KCNT2: variants seen among roughly 807,000 people sequenced by gnomAD.
The protein encoded by KCNT2 is potassium sodium-activated channel subfamily T member 2, also known as potassium channel subfamily T member 2.
A neutral mutation model predicts 153.8 loss-of-function variants in KCNT2; 67 were observed. The ratio of observed to expected loss-of-function variants is 0.44; its 90% CI spans 0.36 to 0.53. The LOEUF (loss-of-function observed/expected upper bound fraction) is 0.53, where lower values mean the gene tolerates loss of function less well. Ranked by LOEUF, KCNT2 falls within the 20% of genes least tolerant of loss-of-function variation. The pLI is 0.00. For synonymous variants in KCNT2, 500 were observed against 458.8 expected (o/e 1.09, Z -1.15); for missense variants, 975 against 1,354.8 (o/e 0.72, Z 4.40).
chr1:196,584,645 C>T (rs1407154190), intron 1 of KCNT2, among the ~76,000 whole-genome samples: 2 of 152,064 alleles, frequency 1.3e-5, no homozygotes, highest in Non-Finnish European at 2.9e-5. Context: ...TATTGTCAAA[C>T]ATTGTAGTAA....
intron 14 of KCNT2, among the ~76,000 whole-genome samples, chr1:196,361,407 G>A (rs986383010): frequency 1.3e-5 from 2 of 152,078 alleles, no homozygotes; most frequent in Admixed American, 6.6e-5. Context: ...TGACTGAGAA[G>A]CAGTTGGATC....
chr1:196,467,967 C>T (rs1677761331), intron 6 of KCNT2, among the ~76,000 whole-genome samples, 181 bp from the exon 7 acceptor site: 2 of 152,004 alleles, frequency 1.3e-5, no homozygotes, highest in South Asian at 4.1e-4. Context: ...CATTCATTGT[C>T]TAAATCTTTC....
At chr1:196,247,225 A>G (rs1655534529) in intron 26 of KCNT2, among the ~76,000 whole-genome samples, 1 of 152,174 alleles carries the variant, frequency 6.6e-6, no homozygotes, top group African/African-American at 2.4e-5. Context: ...AATTTAGAAA[A>G]AGGATGTAAC....
chr1:196,482,989 C>T (rs1452438879), intron 3 of KCNT2, among the ~76,000 whole-genome samples: 2 of 152,096 alleles, frequency 1.3e-5, no homozygotes, highest in Non-Finnish European at 2.9e-5. Context: ...TATTATCCCT[C>T]TAATTCTAAT....
chr1:196,281,152 G>A (rs1027309398), intron 24 of KCNT2, among the ~76,000 whole-genome samples, 164 bp from the exon 25 acceptor site: 3 of 152,082 alleles, frequency 2.0e-5, no homozygotes, highest in Non-Finnish European at 4.4e-5. Context: ...AGACTCAACC[G>A]ACATCCCTGG....
intron 1 of KCNT2, among the ~76,000 whole-genome samples, chr1:196,550,707 T>C (rs1486250104): frequency 6.6e-6 from 1 of 151,768 alleles, no homozygotes; most frequent in Non-Finnish European, 1.5e-5. Flanking sequence ...CATGCTCTGT[T>C]TCTTACTTCT....
In KCNT2 at chr1:196,315,978, C is replaced by T. The variant is rs1173994206; in HGVS notation, c.2397G>A (p.Val799=). ...TCATGGTGCTCTCTTTATCCACAAC[C>T]ACCATATTAGCAGCAAAAGTCACTC... ...RCGVTFAANM[V]VVDKESTMSA... The change falls in exon 21 of 28, where the codon GTG becomes GTA. Residue 799 remains valine, a synonymous_variant. Transcript: ENST00000294725. 3.1e-6 allele frequency: 5 copies of T among 1,610,670 alleles called. No homozygotes were observed. Among genetic ancestry groups the T allele is most frequent in the Non-Finnish European group, 4.2e-6 (5 of 1,177,906 alleles).
chr1:196,310,448 C>G (rs984667835), intron 21 of KCNT2, among the ~76,000 whole-genome samples: 1 of 151,678 alleles, frequency 6.6e-6, no homozygotes, highest in Non-Finnish European at 1.5e-5. Flanking sequence ...CCTCTGTATT[C>G]AAAAATCTTA....
At chr1:196,467,679 T>A in intron 7 of KCNT2, 24 bp downstream of exon 7, 2 of 1,417,860 alleles carry the variant, frequency 1.4e-6, no homozygotes, top group East Asian at 2.3e-5. Context: ...TATTTTCATA[T>A]TTGCACTTTA....
chr1:196,377,976 T>G (rs758111561), intron 13 of KCNT2, among the ~76,000 whole-genome samples: 6 of 152,042 alleles, frequency 3.9e-5, no homozygotes, highest in Admixed American at 2.0e-4. Context: ...CAAAATCCAG[T>G]AAGTCAGGTT....
intron 27 of KCNT2, among the ~76,000 whole-genome samples, chr1:196,234,682 T>A (rs1308543325): frequency 6.6e-6 from 1 of 151,428 alleles, no homozygotes; most frequent in Non-Finnish European, 1.5e-5. Context: ...AAAAGAGTCT[T>A]CTAAAATTTT....
chr1:196,452,304 AC>A (rs1676284525), intron 8 of KCNT2, among the ~76,000 whole-genome samples: 1 of 151,914 alleles, frequency 6.6e-6, no homozygotes, highest in Non-Finnish European at 1.5e-5. Context: ...AGAACTAATA[AC>A]CCACCTTTAT....
intron 1 of KCNT2, among the ~76,000 whole-genome samples, chr1:196,504,270 T>C (rs9728591): frequency 0.048 from 6,455 of 134,248 alleles, 509 homozygotes; most frequent in African/African-American, 0.16. Flanking sequence ...GAGTGTGATG[T>C]TCCCCTTCCT....
intron 13 of KCNT2, among the ~76,000 whole-genome samples, chr1:196,379,748 G>A (rs988246691): frequency 6.6e-6 from 1 of 152,118 alleles, no homozygotes; most frequent in Non-Finnish European, 1.5e-5. Context: ...ATAAGCACAT[G>A]AGATCAAGTG....
intron 13 of KCNT2, among the ~76,000 whole-genome samples, chr1:196,396,723 T>C (rs1285231066): frequency 6.6e-6 from 1 of 151,604 alleles, no homozygotes; most frequent in East Asian, 1.9e-4. Context: ...AAATGAGAAA[T>C]ATTGAGATAA....
intron 19 of KCNT2, 38 bp downstream of exon 19, chr1:196,326,679 A>G (rs1401776622): frequency 8.0e-7 from 1 of 1,247,274 alleles, no homozygotes; most frequent in Non-Finnish European, 1.1e-6. Context: ...ACTATTAAAA[A>G]CAGTTTATCT....
chr1:196,558,987 T>G lies in KCNT2; in HGVS notation c.95+49228A>C, dbSNP rs1659044519. 2.0e-5 allele frequency among the ~76,000 whole-genome samples: 3 copies of G among 151,300 alleles called. No individual in the cohort carries two copies. In the South Asian group the frequency reaches 6.2e-4, roughly 31 times the overall value. On this transcript the variant is annotated intron_variant, in intron 1 of 27. Coordinates refer to ENST00000294725, the MANE Select transcript of KCNT2 (RefSeq NM_198503.5). Reference sequence around the variant, plus strand: ...GAGGCACATTGATTTGAAATACAAATGAGGTATGCATAAGAAAGTCACACC... The same window carrying G: ...GAGGCACATTGATTTGAAATACAAAGGAGGTATGCATAAGAAAGTCACACC...
At chr1:196,376,041 T>TG (rs1460703036) in intron 13 of KCNT2, among the ~76,000 whole-genome samples, 1 of 151,860 alleles carries the variant, frequency 6.6e-6, no homozygotes, top group Non-Finnish European at 1.5e-5. Flanking sequence ...TCCTTCCTCT[T>TG]GGGACATTTT....
chr1:196,442,544 G>A (rs1181851299), intron 8 of KCNT2, among the ~76,000 whole-genome samples: 1 of 151,680 alleles, frequency 6.6e-6, no homozygotes, highest in East Asian at 2.0e-4. Context: ...TCCGTTCATA[G>A]TGGAATTTGA....
Sources: allele counts gnomAD v4.1 joint callset (sites outside exome capture counted in the v4.1 genomes callset), GRCh38; gene constraint gnomAD v4.1.1; transcripts MANE v1.5; gene names NCBI Gene and HGNC (gene_info 2026-07-23, HGNC 2026-07-21).